Variants in TBC1D22A observed in about 807,000 individuals in gnomAD.
The protein encoded by TBC1D22A is TBC1 domain family member 22A.
A neutral mutation model predicts 60.2 loss-of-function variants in TBC1D22A; 38 were observed. The ratio of observed to expected loss-of-function variants is 0.63; its 90% CI spans 0.49 to 0.83. The LOEUF is 0.83. Ranked by LOEUF, TBC1D22A falls within the 40% of genes least tolerant of loss-of-function variation. The pLI, the probability that TBC1D22A is intolerant of heterozygous loss-of-function variation, is 0.00. For synonymous variants in TBC1D22A, 302 were observed against 281.7 expected, an observed-to-expected ratio of 1.07 and a Z score of -0.72; for missense variants, 628 against 701.0, an observed-to-expected ratio of 0.90 and a Z score of 1.18.
In TBC1D22A at chr22:47,173,961, C is replaced by T. The variant is rs939004192; in HGVS notation, c.*335C>T. 6 of 245,656 alleles carry T rather than the reference C, an allele frequency of 2.4e-5. No individual in the cohort carries two copies. Among genetic ancestry groups the T allele is most frequent in the South Asian group, 1.8e-4 (3 of 16,662 alleles). 15.2% of individuals were successfully genotyped at this position (245,656 alleles called of 1,614,324 possible). A position where few individuals can be genotyped will look rare whatever the true frequency, so the allele number is the denominator to read the frequency against. ...CCTAGTCCGGGGCAGCCTAGGAGGC[C>T]GACCCTCTTTGGAGTCCTGCTGTCT... On this transcript the variant is annotated 3_prime_UTR_variant, in exon 13 of 13. Coordinates refer to ENST00000337137, the MANE Select transcript of TBC1D22A (RefSeq NM_014346.5).
chr22:47,051,774 C>A (rs989583138), intron 11 of TBC1D22A, among the ~76,000 whole-genome samples: 1 of 152,202 alleles, frequency 6.6e-6, no homozygotes, highest in African/African-American at 2.4e-5. Flanking sequence ...TCCTTCCTCT[C>A]GCGCTCCTCT....
At chr22:47,132,793 G>T (rs2066723698) in intron 12 of TBC1D22A, among the ~76,000 whole-genome samples, 1 of 152,224 alleles carries the variant, frequency 6.6e-6, no homozygotes, top group Non-Finnish European at 1.5e-5. Context: ...TTGAAGGCGG[G>T]CTGTTTGCTG....
intron 1 of TBC1D22A, among the ~76,000 whole-genome samples, chr22:46,767,527 C>A (rs2083328684): frequency 6.6e-6 from 1 of 152,138 alleles, no homozygotes. Flanking sequence ...CAAAATAGAC[C>A]TAGATCTCTG....
chr22:46,869,877 A>T (rs989155487), intron 4 of TBC1D22A, among the ~76,000 whole-genome samples: 1 of 152,228 alleles, frequency 6.6e-6, no homozygotes, highest in African/African-American at 2.4e-5. Flanking sequence ...TTCAGAAAAA[A>T]GGTTCTTATA....
intron 10 of TBC1D22A, among the ~76,000 whole-genome samples, chr22:47,003,249 G>A (rs1424063627): frequency 6.6e-6 from 1 of 152,074 alleles, no homozygotes; most frequent in African/African-American, 2.4e-5. Context: ...TAATCCTCCA[G>A]GGGTGAGTTC....
In TBC1D22A at chr22:47,067,450, A is replaced by T. The variant is rs144000445; in HGVS notation, c.1329+30252A>T. ...AGGAGAAAAGCCAGGGTGCACAAAG[A>T]GATGGGCATTAGCATATAAAAGGAC... On this transcript the variant is annotated intron_variant, in intron 11 of 12. Transcript: ENST00000337137. 1.4e-3 allele frequency among the ~76,000 whole-genome samples: 208 copies of T among 152,340 alleles called. 1 individual carries two copies. The highest frequency in any genetic ancestry group is 2.0e-3 in the Non-Finnish European group (137 of 68,024).
chr22:47,140,208 G>A (rs147252960), intron 12 of TBC1D22A, among the ~76,000 whole-genome samples: 12 of 152,136 alleles, frequency 7.9e-5, no homozygotes, highest in Middle Eastern at 3.4e-3. Context: ...TGCGCGTGCT[G>A]AGTCTGCCTA....
At chr22:46,810,359 G>A (rs1270908971) in intron 4 of TBC1D22A, among the ~76,000 whole-genome samples, 3 of 151,976 alleles carry the variant, frequency 2.0e-5, no homozygotes, top group African/African-American at 7.3e-5. Context: ...ATATAGACGT[G>A]TGTTAATATA....
intron 12 of TBC1D22A, among the ~76,000 whole-genome samples, chr22:47,146,323 C>G (rs892702397): frequency 6.6e-6 from 1 of 152,154 alleles, no homozygotes; most frequent in South Asian, 2.1e-4. Context: ...GGTTGATGAA[C>G]TCTCTCTCTC....
chr22:46,991,998 G>C (rs1021272584), intron 9 of TBC1D22A, among the ~76,000 whole-genome samples: 8 of 152,348 alleles, frequency 5.3e-5, no homozygotes, highest in African/African-American at 1.9e-4. Flanking sequence ...TGGCCACCCA[G>C]GTCCTCGTTA....
chr22:47,108,750 C>T (rs929185199), intron 11 of TBC1D22A, among the ~76,000 whole-genome samples: 1 of 152,198 alleles, frequency 6.6e-6, no homozygotes, highest in African/African-American at 2.4e-5. Flanking sequence ...AGCTGGAGTG[C>T]AGTGGCTCGA....
At chr22:46,836,917 G>A (rs967409345) in intron 4 of TBC1D22A, among the ~76,000 whole-genome samples, 1 of 151,992 alleles carries the variant, frequency 6.6e-6, no homozygotes, top group Non-Finnish European at 1.5e-5. Flanking sequence ...CCAGTGCTTT[G>A]GGAGGCTGAG....
intron 4 of TBC1D22A, among the ~76,000 whole-genome samples, chr22:46,855,608 G>A (rs1813765367): frequency 6.6e-6 from 1 of 152,202 alleles, no homozygotes; most frequent in African/African-American, 2.4e-5. Flanking sequence ...CTTTCACGGA[G>A]TAGCAGTGGG....
At chr22:47,149,248 G>A (rs978812542) in intron 12 of TBC1D22A, among the ~76,000 whole-genome samples, 1 of 152,214 alleles carries the variant, frequency 6.6e-6, no homozygotes, top group Non-Finnish European at 1.5e-5. Flanking sequence ...GCCTGTGGAG[G>A]TGAGCTCACG....
At chr22:46,943,854 T>C (rs528612310) in intron 8 of TBC1D22A, among the ~76,000 whole-genome samples, 1 of 152,372 alleles carries the variant, frequency 6.6e-6, no homozygotes, top group East Asian at 1.9e-4. Context: ...CGTAATGTTT[T>C]TGAGGTTCGC....
intron 10 of TBC1D22A, among the ~76,000 whole-genome samples, chr22:47,016,948 A>T (rs1421149388): frequency 6.6e-6 from 1 of 152,192 alleles, no homozygotes; most frequent in Non-Finnish European, 1.5e-5. Flanking sequence ...CACCTGTCCC[A>T]GTGTCCGCTG....
At chr22:47,057,254 C>T (rs936507952) in intron 11 of TBC1D22A, among the ~76,000 whole-genome samples, 1 of 152,340 alleles carries the variant, frequency 6.6e-6, no homozygotes, top group South Asian at 2.1e-4. Flanking sequence ...GGGGTTCTCT[C>T]CTTGTTCCCC....
intron 11 of TBC1D22A, among the ~76,000 whole-genome samples, chr22:47,059,876 A>G (rs16996275): frequency 0.045 from 6,851 of 152,294 alleles, 491 homozygotes; most frequent in African/African-American, 0.15. Context: ...AGTTTCAGTT[A>G]TGCAAACGAG....
chr22:47,076,361 G>GTGTGTATATA (rs1392245000), intron 11 of TBC1D22A, among the ~76,000 whole-genome samples: 5 of 101,924 alleles, frequency 4.9e-5, no homozygotes, highest in Non-Finnish European at 1.9e-5. Flanking sequence ...ATATGTGTGT[G>GTGTGTATATA]TATATATATA....
Sources: allele counts gnomAD v4.1 joint callset (sites outside exome capture counted in the v4.1 genomes callset), GRCh38; gene constraint gnomAD v4.1.1; transcripts MANE v1.5; gene names NCBI Gene and HGNC (gene_info 2026-07-23, HGNC 2026-07-21).